Variants in GABPB1 observed in about 807,000 individuals in gnomAD.
GABPB1 encodes the protein GA binding protein transcription factor subunit beta 1.
Under a neutral mutation model 45.9 loss-of-function variants are expected in GABPB1, and 15 were observed. That is an observed-to-expected ratio of 0.33 (90% confidence interval 0.22 to 0.50). GABPB1 has a LOEUF of 0.50. GABPB1 is among the 20% of genes least tolerant of loss of function. GABPB1 has a pLI of 0.98. For synonymous variants in GABPB1, 143 were observed against 154.4 expected, an observed-to-expected ratio of 0.93 and a Z score of 0.55; for missense variants, 252 against 457.5, an observed-to-expected ratio of 0.55 and a Z score of 4.10.
At chr15:50,297,567 G>A (rs180959768) in intron 6 of GABPB1, among the ~76,000 whole-genome samples, 141 of 152,324 alleles carry the variant, frequency 9.3e-4, no homozygotes, top group African/African-American at 3.1e-3. Context: ...ACTATGGGCC[G>A]GGTGCAGTGG....
At chr15:50,324,317 G>C (rs1203673564) in intron 1 of GABPB1, among the ~76,000 whole-genome samples, 1 of 152,018 alleles carries the variant, frequency 6.6e-6, no homozygotes, top group East Asian at 1.9e-4. Context: ...ACCTGCATTC[G>C]TTGAGTGCTG....
At position 50,296,836 on chromosome 15, in the gene GABPB1, CTGAG is replaced by C. The variant is rs1180542425; in HGVS notation, c.697+3949_697+3952del. ...TAATCTGTGGTAGATTTAGCTTTGC[CTGAG>C]TATGTGCAAATTGAGCTTTAAGTTG... On this transcript the variant is annotated intron_variant, in intron 6 of 8. Transcript: ENST00000380877. Among the ~76,000 whole-genome samples, 6 of 151,812 alleles carry C rather than the reference CTGAG, an allele frequency of 4.0e-5. No individual in the cohort carries two copies. The East Asian group carries it at 1.2e-3, about 29-fold the overall frequency.
At chr15:50,302,364 C>G (rs2046780625) in intron 4 of GABPB1, among the ~76,000 whole-genome samples, 2 of 151,904 alleles carry the variant, frequency 1.3e-5, no homozygotes, top group Admixed American at 1.3e-4. Context: ...TGTCTAGGGC[C>G]AGGCGCAGTG....
intron 1 of GABPB1, among the ~76,000 whole-genome samples, chr15:50,342,053 G>A (rs1238662530): frequency 6.6e-6 from 1 of 152,092 alleles, no homozygotes; most frequent in Non-Finnish European, 1.5e-5. Context: ...TCTGTCTCAT[G>A]ATTCTACTCC....
intron 5 of GABPB1, 159 bp from the exon 6 acceptor site, chr15:50,301,061 A>C (rs1468168355): frequency 1.2e-6 from 1 of 864,468 alleles, no homozygotes; most frequent in Non-Finnish European, 1.8e-6. Context: ...ACCTTTCTTC[A>C]GATTGTTTTG....
At chr15:50,331,492 TGAA>T (rs2047946702) in intron 1 of GABPB1, among the ~76,000 whole-genome samples, 1 of 152,162 alleles carries the variant, frequency 6.6e-6, no homozygotes. Context: ...TGAGCTACAG[TGAA>T]GAAGTATAAC....
intron 1 of GABPB1, chr15:50,354,663 G>A (rs1006919963): frequency 4.7e-6 from 2 of 426,390 alleles, no homozygotes; most frequent in Admixed American, 2.6e-5. Flanking sequence ...GCTCGGGACC[G>A]GCAAGCCGGG....
chr15:50,281,164 C>T (rs2045957610), intron 8 of GABPB1, among the ~76,000 whole-genome samples: 1 of 152,194 alleles, frequency 6.6e-6, no homozygotes, highest in Non-Finnish European at 1.5e-5. Flanking sequence ...ATTAGCACTG[C>T]ATGCTGAATA....
intron 1 of GABPB1, among the ~76,000 whole-genome samples, chr15:50,342,368 T>C (rs1256291567): frequency 2.6e-5 from 4 of 152,140 alleles, no homozygotes; most frequent in African/African-American, 9.7e-5. Flanking sequence ...TAATGGTTTA[T>C]CTTATTCTTA....
chr15:50,289,088 T>C (rs2046260097), intron 7 of GABPB1, among the ~76,000 whole-genome samples: 1 of 152,176 alleles, frequency 6.6e-6, no homozygotes, highest in Non-Finnish European at 1.5e-5. Context: ...TTTTAAAAGC[T>C]CACATGGTAA....
chr15:50,282,880 C>A (rs996898153), intron 8 of GABPB1, among the ~76,000 whole-genome samples: 11 of 152,038 alleles, frequency 7.2e-5, no homozygotes, highest in South Asian at 4.2e-4. Context: ...CCCGGTAAAA[C>A]CCCGTCTCTA....
chr15:50,324,314 T>A (rs1005274887), intron 1 of GABPB1, among the ~76,000 whole-genome samples: 4 of 152,128 alleles, frequency 2.6e-5, no homozygotes, highest in Non-Finnish European at 4.4e-5. Flanking sequence ...ACGACCTGCA[T>A]TCGTTGAGTG....
intron 8 of GABPB1, among the ~76,000 whole-genome samples, chr15:50,284,891 C>G (rs2046102721): frequency 6.6e-6 from 1 of 152,106 alleles, no homozygotes; most frequent in Non-Finnish European, 1.5e-5. Context: ...CTACACATCA[C>G]TTTAAATCTT....
At position 50,285,767 on chromosome 15, in the gene GABPB1, G is replaced by T. The variant is rs16963578; in HGVS notation, c.999+301C>A. On this transcript the variant is annotated intron_variant, in intron 8 of 8. Transcript: ENST00000380877. ...TATACTGGTATTTTCCTTTAGTGAC[G>T]TGTAAGAATGGTGTGTGTAAGTTTA... 19,303 of 1,112,228 alleles carry T rather than the reference G, an allele frequency of 0.017. 2,057 individuals are homozygous for T. In the African/African-American group the frequency reaches 0.25, roughly 15 times the overall value. 68.9% of individuals were successfully genotyped at this position (1,112,228 alleles called of 1,614,324 possible).
chr15:50,309,600 A>T (rs1384383905), intron 2 of GABPB1, 91 bp downstream of exon 2: 2 of 692,128 alleles, frequency 2.9e-6, no homozygotes, highest in African/African-American at 1.8e-5. Context: ...ACTTTTTACC[A>T]CTTATAAACA....
At chr15:50,341,183 T>C (rs1452301082) in intron 1 of GABPB1, among the ~76,000 whole-genome samples, 1 of 152,062 alleles carries the variant, frequency 6.6e-6, no homozygotes, top group African/African-American at 2.4e-5. Context: ...TAGATATAAT[T>C]ATGCATTCCA....
intron 1 of GABPB1, among the ~76,000 whole-genome samples, chr15:50,323,308 C>G (rs531174352): frequency 6.6e-6 from 1 of 152,292 alleles, no homozygotes; most frequent in Non-Finnish European, 1.5e-5. Context: ...GCAGTAGTTC[C>G]TGCTAGCCCA....
intron 1 of GABPB1, among the ~76,000 whole-genome samples, chr15:50,332,840 T>C (rs1251498227): frequency 6.6e-6 from 1 of 152,152 alleles, no homozygotes; most frequent in Admixed American, 6.5e-5. Flanking sequence ...TTGTTTTTAA[T>C]CCATTAGACA....
intron 1 of GABPB1, among the ~76,000 whole-genome samples, chr15:50,311,793 C>T (rs1368511716): frequency 6.6e-6 from 1 of 152,092 alleles, no homozygotes; most frequent in Non-Finnish European, 1.5e-5. Flanking sequence ...AAATGTTCTA[C>T]ATCATTAAAA....
Sources: gnomAD v4.1 joint callset for allele counts (sites outside exome capture counted in the v4.1 genomes callset) on GRCh38, gnomAD v4.1.1 for gene constraint, MANE v1.5 for transcripts, NCBI Gene and HGNC (gene_info 2026-07-23, HGNC 2026-07-21) for gene names.